TMPRSS15: variants seen among roughly 807,000 people sequenced by gnomAD.
TMPRSS15 encodes the protein enteropeptidase.
Under a neutral mutation model 125.3 loss-of-function variants are expected in TMPRSS15, and 128 were observed. The observed-to-expected ratio is 1.02, with a 90% CI of 0.89 to 1.18. The LOEUF is 1.18. TMPRSS15 is among the 50% of genes most tolerant of loss of function. The pLI is 0.00. For synonymous variants in TMPRSS15, 446 were observed against 423.2 expected (o/e 1.05, Z -0.66); for missense variants, 1,283 against 1,212.7 (o/e 1.06, Z -0.86).
In TMPRSS15 at chr21:18,345,740, C is replaced by CAAAAAAAAAA. The variant is rs1235619873; in HGVS notation, c.1172-1690_1172-1681dup. On this transcript the variant is annotated intron_variant, in intron 10 of 24. Transcript: ENST00000284885. ...TAGGCGACAGAGTGAGACTCCGTCTCAAAAAAAAAAAAAAAAAAAAAATCC... is the reference window on the plus strand; with the variant it reads ...TAGGCGACAGAGTGAGACTCCGTCTCAAAAAAAAAAAAAAAAAAAAAAAAAAAAAAAATCC... 6.4e-3 allele frequency among the ~76,000 whole-genome samples: 100 copies of CAAAAAAAAAA among 15,556 alleles called. 32 individuals are homozygous for CAAAAAAAAAA. The East Asian group carries it at 0.068, about 11-fold the overall frequency. The allele number at this position is 15,556 out of a possible 152,430, so 10.2% of individuals were successfully genotyped here.
chr21:18,394,550 T>C (rs1348999079), intron 3 of TMPRSS15, among the ~76,000 whole-genome samples: 1 of 151,944 alleles, frequency 6.6e-6, no homozygotes, highest in Non-Finnish European at 1.5e-5. Flanking sequence ...TCTCTCTCTC[T>C]CTGTCTCTCT....
chr21:18,399,937 A>G (rs2076079968), intron 1 of TMPRSS15, among the ~76,000 whole-genome samples: 1 of 152,150 alleles, frequency 6.6e-6, no homozygotes, highest in African/African-American at 2.4e-5. Flanking sequence ...CGCTAAATAC[A>G]TTCAAGCTGA....
intron 1 of TMPRSS15, among the ~76,000 whole-genome samples, chr21:18,457,618 A>G (rs1978468156): frequency 6.6e-6 from 1 of 152,146 alleles, no homozygotes; most frequent in South Asian, 2.1e-4. Context: ...AGAGTTTAAA[A>G]TCCTGTAGCA....
At chr21:18,413,415 AT>A (rs1452863592) in intron 1 of TMPRSS15, among the ~76,000 whole-genome samples, 1 of 96,972 alleles carries the variant, frequency 1.0e-5, no homozygotes, top group African/African-American at 4.2e-5. Flanking sequence ...TTTCAGATGC[AT>A]TATGTGTCTA....
At chr21:18,275,155 G>A (rs2824713) in intron 24 of TMPRSS15, 42 bp downstream of exon 24, 167,830 of 1,606,282 alleles carry the variant, frequency 0.1, 9,558 homozygotes, top group African/African-American at 0.19. Context: ...TATAACACCA[G>A]TGCTTTCTGA....
chr21:18,358,104 T>G (rs1037494179), intron 8 of TMPRSS15, among the ~76,000 whole-genome samples: 1 of 151,790 alleles, frequency 6.6e-6, no homozygotes, highest in Non-Finnish European at 1.5e-5. Flanking sequence ...TAGTCACATC[T>G]CTATGGCTAA....
chr21:18,398,251 T>C lies in TMPRSS15; in HGVS notation c.224A>G (p.Gln75Arg). ...TSGVTYNPNL[Q>R]DKLSVDFKVL... ...TTTGAAATCCACTGAGAGTTTGTCT[T>C]GCAAATTAGGATTATATGTAACTCC... The change falls in exon 2 of 25, where the codon CAA becomes CGA. Residue 75 changes from glutamine (Q) to arginine (R), a missense_variant. By Grantham distance (43) the Gln-to-Arg change is conservative (BLOSUM62 1). Coordinates refer to ENST00000284885, the MANE Select transcript of TMPRSS15 (RefSeq NM_002772.3). 1 of 1,613,892 alleles carries C rather than the reference T, an allele frequency of 6.2e-7. No individual in the cohort carries two copies. Among genetic ancestry groups the C allele is most frequent in the Non-Finnish European group, 8.5e-7 (1 of 1,179,820 alleles).
intron 1 of TMPRSS15, among the ~76,000 whole-genome samples, chr21:18,469,978 A>T (rs964930802): frequency 1.4e-4 from 21 of 152,226 alleles, no homozygotes; most frequent in African/African-American, 5.1e-4. Flanking sequence ...AACCTTTGGT[A>T]AATTTCATAA....
chr21:18,416,158 G>GA (rs201921896), intron 1 of TMPRSS15, among the ~76,000 whole-genome samples: 45 of 151,604 alleles, frequency 3.0e-4, no homozygotes, highest in Admixed American at 7.2e-4. Context: ...ACAGATAAAT[G>GA]AAAAAAAACA....
chr21:18,380,167 T>TCACTCA lies in TMPRSS15; in HGVS notation c.497-850_497-849insTGAGTG, dbSNP rs144691737. On this transcript the variant is annotated intron_variant, in intron 4 of 24. Transcript: ENST00000284885. ...TGATTTGGAGCCGTTTATGGAGATG[T>TCACTCA]CACACACACACACACACACACACAC... Among the ~76,000 whole-genome samples, 300 of 139,512 alleles carry TCACTCA rather than the reference T, an allele frequency of 2.2e-3. 1 individual carries two copies. The highest frequency in any genetic ancestry group is 7.7e-3 in the African/African-American group (289 of 37,534). 91.5% of individuals were successfully genotyped at this position (139,512 alleles called of 152,430 possible).
intron 1 of TMPRSS15, among the ~76,000 whole-genome samples, chr21:18,446,630 C>G (rs2076256338): frequency 2.0e-5 from 3 of 152,064 alleles, no homozygotes; most frequent in Admixed American, 2.0e-4. Context: ...GAATACGGAA[C>G]CCCAAAATGC....
intron 21 of TMPRSS15, among the ~76,000 whole-genome samples, chr21:18,283,553 TTATC>T (rs2074727177): frequency 6.6e-6 from 1 of 151,724 alleles, no homozygotes; most frequent in Non-Finnish European, 1.5e-5. Flanking sequence ...TGTATATAAA[TTATC>T]TATATAAATA....
chr21:18,372,637 A>G (rs1254359431), intron 5 of TMPRSS15, among the ~76,000 whole-genome samples: 1 of 152,234 alleles, frequency 6.6e-6, no homozygotes, highest in African/African-American at 2.4e-5. Flanking sequence ...GAGTACATTT[A>G]CCAACCAAAG....
chr21:18,479,171 T>C (rs1978933938), intron 1 of TMPRSS15, among the ~76,000 whole-genome samples: 1 of 151,984 alleles, frequency 6.6e-6, no homozygotes, highest in African/African-American at 2.4e-5. Flanking sequence ...TTTAAAAAAA[T>C]GCTAAGATTT....
At chr21:18,439,011 T>G (rs1437946944) in intron 1 of TMPRSS15, among the ~76,000 whole-genome samples, 2 of 152,170 alleles carry the variant, frequency 1.3e-5, no homozygotes. Flanking sequence ...CTTATAAATC[T>G]TCTTTCTTAT....
chr21:18,476,754 A>G (rs1360808604), intron 1 of TMPRSS15, among the ~76,000 whole-genome samples: 3 of 152,178 alleles, frequency 2.0e-5, no homozygotes, highest in African/African-American at 7.2e-5. Flanking sequence ...TTTCATACCA[A>G]TTATAGTAGA....
intron 1 of TMPRSS15, among the ~76,000 whole-genome samples, chr21:18,399,927 C>A (rs146422067): frequency 1.1e-4 from 17 of 152,136 alleles, no homozygotes; most frequent in Admixed American, 3.3e-4. Flanking sequence ...CATTTCTATA[C>A]GCTAAATACA....
At chr21:18,341,687 AC>A in intron 12 of TMPRSS15, 139 bp from the exon 13 acceptor site, 2 of 946,802 alleles carry the variant, frequency 2.1e-6, no homozygotes, top group Non-Finnish European at 3.3e-6. Flanking sequence ...GACCGTTACT[AC>A]ATAGTGAAAT....
At chr21:18,459,051 A>G (rs1049106521) in intron 1 of TMPRSS15, among the ~76,000 whole-genome samples, 2 of 152,044 alleles carry the variant, frequency 1.3e-5, no homozygotes, top group Non-Finnish European at 2.9e-5. Context: ...TGTGTCTTTG[A>G]TTGTGCTTTT....
Sources: allele counts gnomAD v4.1 joint callset (sites outside exome capture counted in the v4.1 genomes callset), GRCh38; gene constraint gnomAD v4.1.1; transcripts MANE v1.5; gene names NCBI Gene and HGNC (gene_info 2026-07-23, HGNC 2026-07-21).